The following STXBP5L variants were observed in gnomAD, a reference collection of about 807,000 sequenced individuals.
The protein encoded by STXBP5L is syntaxin binding protein 5L, also known as syntaxin-binding protein 5-like.
Under a neutral mutation model 144.5 loss-of-function variants are expected in STXBP5L, and 65 were observed. That is an observed-to-expected ratio of 0.45 (90% CI 0.37 to 0.55). STXBP5L has a LOEUF of 0.55. STXBP5L is among the 20% of genes least tolerant of loss of function. The pLI is 0.00. For synonymous variants in STXBP5L, 505 were observed against 469.6 expected (o/e 1.08, Z -0.97); for missense variants, 1,298 against 1,405.5 (o/e 0.92, Z 1.22).
At chr3:120,939,325 C>T (rs983114526) in intron 2 of STXBP5L, among the ~76,000 whole-genome samples, 1 of 152,106 alleles carries the variant, frequency 6.6e-6, no homozygotes, top group Non-Finnish European at 1.5e-5. Context: ...TTCTTTGCAA[C>T]TGGCAACAAA....
At chr3:121,116,584 GAT>G (rs2044239362) in intron 6 of STXBP5L, among the ~76,000 whole-genome samples, 1 of 152,042 alleles carries the variant, frequency 6.6e-6, no homozygotes, top group Non-Finnish European at 1.5e-5. Flanking sequence ...GCATTAGTAT[GAT>G]AAATTGTTAC....
intron 5 of STXBP5L, among the ~76,000 whole-genome samples, chr3:121,054,106 G>T (rs538059217): frequency 6.6e-6 from 1 of 152,186 alleles, no homozygotes; most frequent in Non-Finnish European, 1.5e-5. Flanking sequence ...TGCTGGAGAG[G>T]ATGTGGAGAA....
chr3:121,077,385 G>A (rs554431036), intron 5 of STXBP5L, among the ~76,000 whole-genome samples: 1 of 152,126 alleles, frequency 6.6e-6, no homozygotes, highest in Non-Finnish European at 1.5e-5. Context: ...TTCGGAGTTT[G>A]TTCCTTCTGA....
chr3:121,259,435 ATT>A (rs1267730994), intron 18 of STXBP5L, among the ~76,000 whole-genome samples: 3 of 151,634 alleles, frequency 2.0e-5, no homozygotes, highest in African/African-American at 7.3e-5. Context: ...TTGTTTTTAT[ATT>A]GTCTTTTTTT....
chr3:120,980,650 A>T, intron 3 of STXBP5L, among the ~76,000 whole-genome samples: 1 of 152,166 alleles, frequency 6.6e-6, no homozygotes, highest in East Asian at 1.9e-4. Context: ...CTTTTTTAAA[A>T]TTCATTCTGC....
intron 3 of STXBP5L, among the ~76,000 whole-genome samples, chr3:121,019,407 A>G (rs957981759): frequency 4.3e-4 from 66 of 152,306 alleles, no homozygotes; most frequent in African/African-American, 1.5e-3. Context: ...TCCTCCCTAT[A>G]CAACCGCAGC....
In STXBP5L at chr3:120,923,912, C is replaced by T. The variant is rs561415976; in HGVS notation, c.189+14145C>T. Among the ~76,000 whole-genome samples, 18 of 151,634 alleles carry T rather than the reference C, an allele frequency of 1.2e-4. 1 individual carries two copies. The South Asian group carries it at 3.7e-3, about 32-fold the overall frequency. On this transcript the variant is annotated intron_variant, in intron 2 of 26. Transcript: ENST00000471454. Reference sequence around the variant, plus strand: ...TGACTTTCTGGCTGGATGATCTGTCCGTTACTGAGAGAGATTTTTTTTTTA... The same window carrying T: ...TGACTTTCTGGCTGGATGATCTGTCTGTTACTGAGAGAGATTTTTTTTTTA...
chr3:120,951,036 AAAAC>A (rs1221373148), intron 2 of STXBP5L, among the ~76,000 whole-genome samples: 4 of 152,170 alleles, frequency 2.6e-5, no homozygotes, highest in Non-Finnish European at 4.4e-5. Flanking sequence ...AAACCTGAGA[AAAAC>A]AAGCAATGGG....
intron 7 of STXBP5L, among the ~76,000 whole-genome samples, chr3:121,123,220 C>T (rs1051266779): frequency 2.0e-5 from 3 of 151,394 alleles, no homozygotes; most frequent in Non-Finnish European, 3.0e-5. Flanking sequence ...GGAAAAAGCA[C>T]TGGGAAATAG....
intron 22 of STXBP5L, among the ~76,000 whole-genome samples, chr3:121,388,790 T>C (rs915715482): frequency 6.6e-6 from 1 of 152,210 alleles, no homozygotes; most frequent in Non-Finnish European, 1.5e-5. Context: ...TGGATTCGTT[T>C]GTCAGTATTT....
chr3:121,409,932 GA>G (rs1327354415), intron 23 of STXBP5L, among the ~76,000 whole-genome samples: 1 of 151,222 alleles, frequency 6.6e-6, no homozygotes, highest in Non-Finnish European at 1.5e-5. Flanking sequence ...GCTTAAGAGT[GA>G]AACTAGGTTT....
chr3:121,147,730 G>C (rs747482825), intron 7 of STXBP5L, among the ~76,000 whole-genome samples: 1 of 152,142 alleles, frequency 6.6e-6, no homozygotes, highest in Non-Finnish European at 1.5e-5. Flanking sequence ...TAAATCTGTA[G>C]ACTGAGTGAA....
rs967648386 is a variant in STXBP5L at position 121,196,301 on chromosome 3, A to T, written c.878-9622A>T. ...CAGCCTCCCATGACATGCCTGGCTA[A>T]TTTTTTTTTGTATTTTTAGTAGAGA... On this transcript the variant is annotated intron_variant, in intron 9 of 26. Coordinates refer to ENST00000471454, the MANE Select transcript of STXBP5L (RefSeq NM_001308330.2). Among the ~76,000 whole-genome samples the T allele has an allele frequency of 3.5e-4, 52 of 150,240 alleles. 2 individuals carry two copies. Among genetic ancestry groups the T allele is most frequent in the Non-Finnish European group, 1.5e-5 (1 of 67,446 alleles).
chr3:121,371,856 G>A (rs1304285633), intron 20 of STXBP5L, among the ~76,000 whole-genome samples: 1 of 152,222 alleles, frequency 6.6e-6, no homozygotes, highest in Non-Finnish European at 1.5e-5. Context: ...GGGCCAGTGG[G>A]CTCCTTGACT....
intron 22 of STXBP5L, among the ~76,000 whole-genome samples, chr3:121,390,314 A>G (rs1238967640): frequency 1.3e-5 from 2 of 152,166 alleles, no homozygotes; most frequent in Non-Finnish European, 2.9e-5. Context: ...TGAATACAGT[A>G]CACTGATGGG....
chr3:121,335,640 A>G (rs573864052), intron 20 of STXBP5L, among the ~76,000 whole-genome samples: 12 of 152,292 alleles, frequency 7.9e-5, no homozygotes, highest in South Asian at 6.2e-4. Context: ...GCCCAGAAAT[A>G]AGGCCACACA....
intron 20 of STXBP5L, among the ~76,000 whole-genome samples, chr3:121,354,712 G>A (rs1224061473): frequency 2.0e-5 from 3 of 151,824 alleles, no homozygotes; most frequent in Non-Finnish European, 4.4e-5. Flanking sequence ...ATATTGTTAT[G>A]TGTGAATTTG....
chr3:121,201,195 C>G (rs560995131), intron 9 of STXBP5L, among the ~76,000 whole-genome samples: 3 of 152,128 alleles, frequency 2.0e-5, no homozygotes, highest in Non-Finnish European at 4.4e-5. Context: ...TATGTGGATA[C>G]CACTGTATTG....
At chr3:121,019,329 G>A (rs1332658965) in intron 3 of STXBP5L, among the ~76,000 whole-genome samples, 1 of 152,112 alleles carries the variant, frequency 6.6e-6, no homozygotes, top group African/African-American at 2.4e-5. Flanking sequence ...CTTGGGAGCT[G>A]TATTGGCCTG....
Sources: allele counts gnomAD v4.1 joint callset (sites outside exome capture counted in the v4.1 genomes callset), GRCh38; gene constraint gnomAD v4.1.1; transcripts MANE v1.5; gene names NCBI Gene and HGNC (gene_info 2026-07-23, HGNC 2026-07-21).